Variants in PLCB1 observed in about 807,000 individuals in gnomAD.
PLCB1 encodes the protein phospholipase C beta 1.
PLCB1 carries 46 observed loss-of-function variants against 161.8 expected under a neutral mutation model. The ratio of observed to expected loss-of-function variants is 0.28; its 90% confidence interval spans 0.22 to 0.36. The LOEUF is 0.36. PLCB1 is among the 10% of genes least tolerant of loss of function. The probability of loss-of-function intolerance (pLI) is 1.00; values close to 1 mark genes in which losing one functional copy is unlikely to be tolerated. For synonymous variants in PLCB1, 517 were observed against 503.7 expected, an observed-to-expected ratio of 1.03 and a Z score of -0.35; for missense variants, 1,016 against 1,472.5, an observed-to-expected ratio of 0.69 and a Z score of 5.07.
intron 2 of PLCB1, among the ~76,000 whole-genome samples, chr20:8,337,368 G>A (rs1297522625): frequency 2.0e-5 from 3 of 152,108 alleles, no homozygotes; most frequent in Non-Finnish European, 1.5e-5. Flanking sequence ...TAGCCATATT[G>A]GAACAATTCA....
At chr20:8,426,389 T>C (rs189290582) in intron 3 of PLCB1, among the ~76,000 whole-genome samples, 18 of 152,336 alleles carry the variant, frequency 1.2e-4, no homozygotes, top group African/African-American at 4.1e-4. Flanking sequence ...CGCACTGGTT[T>C]TGCTTATTGG....
At chr20:8,409,289 G>A (rs368722012) in intron 3 of PLCB1, among the ~76,000 whole-genome samples, 78 of 152,164 alleles carry the variant, frequency 5.1e-4, no homozygotes, top group African/African-American at 1.8e-3. Flanking sequence ...ACCATAACTC[G>A]AACTTGCTAT....
Position 8,853,361 on chromosome 20 carries a change from G to A in PLCB1, c.3424-28261G>A, listed in dbSNP as rs376230366. ...TATCAACACCCCAGAAACTTCCCTC[G>A]TGCTCCAACCCAGTCAGTACTACCT... On this transcript the variant is annotated intron_variant, in intron 31 of 31. Transcript: ENST00000338037. Among the ~76,000 whole-genome samples the A allele has an allele frequency of 4.6e-5, 7 of 152,166 alleles. No homozygotes were observed. In the East Asian group the frequency reaches 5.8e-4, roughly 13 times the overall value.
intron 2 of PLCB1, among the ~76,000 whole-genome samples, chr20:8,363,413 G>A (rs76226055): frequency 0.03 from 4,573 of 152,128 alleles, 104 homozygotes; most frequent in Non-Finnish European, 0.043. Context: ...ATCTCCTGGA[G>A]GTCTTCTTCT....
intron 2 of PLCB1, among the ~76,000 whole-genome samples, chr20:8,262,245 C>T (rs2123244350): frequency 7.6e-6 from 1 of 131,192 alleles, no homozygotes; most frequent in East Asian, 2.5e-4. Context: ...CCACGCCAGG[C>T]TACTTTTTTT....
chr20:8,805,001 CAA>C (rs3033880), intron 31 of PLCB1, among the ~76,000 whole-genome samples: 3 of 91,016 alleles, frequency 3.3e-5, no homozygotes, highest in African/African-American at 1.3e-4. Context: ...AACTCCATCT[CAA>C]AAAAAAAAAA....
At chr20:8,864,730 C>T (rs1313447889) in intron 31 of PLCB1, among the ~76,000 whole-genome samples, 1 of 152,182 alleles carries the variant, frequency 6.6e-6, no homozygotes, top group Non-Finnish European at 1.5e-5. Context: ...AGAACTAGAA[C>T]AGGCTTGTTA....
intron 27 of PLCB1, among the ~76,000 whole-genome samples, chr20:8,777,534 C>T (rs1202858858): frequency 2.0e-5 from 3 of 152,076 alleles, no homozygotes; most frequent in Middle Eastern, 3.4e-3. Flanking sequence ...GCCTGGGAAA[C>T]ATAGTGAAAC....
intron 11 of PLCB1, among the ~76,000 whole-genome samples, chr20:8,701,789 C>G (rs1036217867): frequency 4.6e-5 from 7 of 152,140 alleles, no homozygotes. Context: ...AGCATAACCT[C>G]CATTTTCAGT....
chr20:8,149,025 C>A (rs964950809), intron 1 of PLCB1, among the ~76,000 whole-genome samples: 3 of 152,234 alleles, frequency 2.0e-5, no homozygotes, highest in African/African-American at 2.4e-5. Context: ...AAGGTGAATG[C>A]ATGTAATACC....
chr20:8,447,609 G>A (rs1156853888), intron 3 of PLCB1, among the ~76,000 whole-genome samples: 3 of 152,156 alleles, frequency 2.0e-5, no homozygotes, highest in East Asian at 3.9e-4. Flanking sequence ...AGAGAAAATT[G>A]TTCTAGGAAG....
chr20:8,351,110 C>A lies in PLCB1; in HGVS notation c.178-20272C>A, dbSNP rs531693745. Among the ~76,000 whole-genome samples the A allele has an allele frequency of 2.0e-5, 3 of 151,954 alleles. No homozygotes were observed. In the South Asian group the frequency reaches 6.2e-4, roughly 32 times the overall value. ...TGATTTAAGACTTACTATAAAGCTA[C>A]AATAATCAAGAAAGCATGGTGTTGG... On this transcript the variant is annotated intron_variant, in intron 2 of 31. Coordinates refer to ENST00000338037, the MANE Select transcript of PLCB1 (RefSeq NM_015192.4).
intron 4 of PLCB1, among the ~76,000 whole-genome samples, chr20:8,641,252 A>C (rs1988947001): frequency 6.6e-6 from 1 of 152,244 alleles, no homozygotes; most frequent in Non-Finnish European, 1.5e-5. Context: ...ATTACAACAG[A>C]AATGCATAAA....
chr20:8,662,774 A>G (rs1989715479), intron 9 of PLCB1, among the ~76,000 whole-genome samples: 1 of 151,926 alleles, frequency 6.6e-6, no homozygotes, highest in South Asian at 2.1e-4. Context: ...GCAAAGCTCT[A>G]AGAAGTAAAG....
At chr20:8,865,976 C>T (rs1987415699) in intron 31 of PLCB1, among the ~76,000 whole-genome samples, 1 of 152,248 alleles carries the variant, frequency 6.6e-6, no homozygotes, top group Middle Eastern at 3.4e-3. Context: ...CTCACAAAGA[C>T]CCTAAAGATA....
At chr20:8,606,200 A>G (rs1987753492) in intron 3 of PLCB1, among the ~76,000 whole-genome samples, 1 of 152,184 alleles carries the variant, frequency 6.6e-6, no homozygotes, top group African/African-American at 2.4e-5. Context: ...GTTTACATTT[A>G]ACGCTTTATT....
intron 2 of PLCB1, among the ~76,000 whole-genome samples, chr20:8,184,807 T>A (rs999858425): frequency 6.9e-6 from 1 of 144,004 alleles, no homozygotes; most frequent in East Asian, 2.0e-4. Flanking sequence ...TTATTATTAT[T>A]ATACTTTAAG....
intron 31 of PLCB1, among the ~76,000 whole-genome samples, chr20:8,809,812 A>G (rs1984724304): frequency 6.6e-6 from 1 of 152,124 alleles, no homozygotes; most frequent in African/African-American, 2.4e-5. Context: ...TCAGGCCCTC[A>G]GTATAAAATG....
At chr20:8,561,909 A>C (rs1023678539) in intron 3 of PLCB1, among the ~76,000 whole-genome samples, 1 of 152,038 alleles carries the variant, frequency 6.6e-6, no homozygotes, top group Non-Finnish European at 1.5e-5. Context: ...CCCTCCACCC[A>C]TCACCTAAAA....
Sources: allele counts gnomAD v4.1 joint callset (sites outside exome capture counted in the v4.1 genomes callset), GRCh38; gene constraint gnomAD v4.1.1; transcripts MANE v1.5; gene names NCBI Gene and HGNC (gene_info 2026-07-23, HGNC 2026-07-21).